ANK3: variants seen among roughly 807,000 people sequenced by gnomAD.
ANK3 encodes the protein ankyrin 3, also known as ankyrin-3.
In ANK3, 57 loss-of-function variants were observed where a neutral mutation model predicts 370.9. The ratio of observed to expected loss-of-function variants is 0.15; its 90% CI spans 0.12 to 0.19. The LOEUF is 0.19. Ranked by LOEUF, ANK3 falls within the 10% of genes least tolerant of loss-of-function variation. ANK3 has a pLI of 1.00. For synonymous variants in ANK3, 1,929 were observed against 1,946.3 expected (o/e 0.99, Z 0.23); for missense variants, 4,439 against 5,302.1 (o/e 0.84, Z 5.06).
chr10:60,652,947 G>A (rs10761540), intron 1 of ANK3, among the ~76,000 whole-genome samples: 52,531 of 151,884 alleles, frequency 0.35, 9,322 homozygotes, highest in African/African-American at 0.4. Flanking sequence ...TCACGATGGT[G>A]AGCCTCTCCT....
At chr10:60,428,754 A>C (rs78779433) in intron 2 of ANK3, among the ~76,000 whole-genome samples, 1 of 152,202 alleles carries the variant, frequency 6.6e-6, no homozygotes, top group Non-Finnish European at 1.5e-5. Context: ...CAAGGTTTCC[A>C]TGGACATAGA....
chr10:60,608,067 C>T (rs577364270), intron 2 of ANK3, among the ~76,000 whole-genome samples: 4 of 152,150 alleles, frequency 2.6e-5, no homozygotes, highest in Admixed American at 6.6e-5. Context: ...TTTGGGGACT[C>T]ACTGAAATCT....
At chr10:60,681,646 A>G (rs867658157) in intron 1 of ANK3, among the ~76,000 whole-genome samples, 7 of 152,198 alleles carry the variant, frequency 4.6e-5, no homozygotes, top group African/African-American at 1.4e-4. Context: ...TTACACCACC[A>G]TAGTATAGGT....
chr10:60,353,298 G>A (rs1223313689), intron 1 of ANK3, among the ~76,000 whole-genome samples: 1 of 151,772 alleles, frequency 6.6e-6, no homozygotes, highest in African/African-American at 2.4e-5. Flanking sequence ...TGGAGGAACT[G>A]TGAATCTTAA....
intron 1 of ANK3, among the ~76,000 whole-genome samples, chr10:60,621,602 C>A (rs1435879594): frequency 6.6e-6 from 1 of 152,174 alleles, no homozygotes; most frequent in African/African-American, 2.4e-5. Context: ...GAAAAGTCAT[C>A]ATCCACTTGT....
intron 33 of ANK3, 43 bp from the exon 34 acceptor site, chr10:60,082,780 T>C (rs978615476): frequency 6.3e-7 from 1 of 1,592,756 alleles, no homozygotes; most frequent in African/African-American, 1.4e-5. Flanking sequence ...ATGAGACTTA[T>C]CTGAGGATTT....
intron 2 of ANK3, among the ~76,000 whole-genome samples, chr10:60,506,339 C>A (rs1162564970): frequency 6.6e-6 from 1 of 152,044 alleles, no homozygotes; most frequent in East Asian, 1.9e-4. Context: ...AAGAAAATCC[C>A]AAAGTGACTC....
At chr10:60,141,453 C>A (rs1308852416) in intron 23 of ANK3, among the ~76,000 whole-genome samples, 1 of 151,778 alleles carries the variant, frequency 6.6e-6, no homozygotes, top group African/African-American at 2.4e-5. Context: ...CCACTAGTGG[C>A]CTTCCTTCTC....
At chr10:60,089,209 G>A (rs2087522725) in intron 28 of ANK3, among the ~76,000 whole-genome samples, 1 of 152,090 alleles carries the variant, frequency 6.6e-6, no homozygotes, top group Non-Finnish European at 1.5e-5. Context: ...CTTCTTCCCT[G>A]CTGTCTACCT....
At chr10:60,295,165 T>C (rs1236401646) in intron 1 of ANK3, among the ~76,000 whole-genome samples, 1 of 152,230 alleles carries the variant, frequency 6.6e-6, no homozygotes, top group African/African-American at 2.4e-5. Flanking sequence ...TCTAGACTAA[T>C]ATGTCACTTT....
intron 2 of ANK3, among the ~76,000 whole-genome samples, chr10:60,542,716 C>T (rs1318295135): frequency 3.3e-5 from 5 of 151,940 alleles, no homozygotes; most frequent in African/African-American, 9.7e-5. Context: ...AAAACCAGAA[C>T]GTGAGGTTTA....
intron 1 of ANK3, chr10:60,300,360 G>A (rs1308823447): frequency 7.8e-7 from 1 of 1,289,692 alleles, no homozygotes; most frequent in Admixed American, 2.3e-5. Context: ...GCCATTCTCT[G>A]TGGCCAAGTA....
rs778149049 is a variant in ANK3, at chr10:60,389,470, C to T, written c.69G>A (p.Glu23=). ...ACCGTTTGCGGTGTTTCCTTTTTTT[C>T]TCAGGCTCTTCTTCAGCATTGATTT... ...DLEINAEEEP[E]KKRKHRKRSR... The change falls in exon 1 of 44, where the codon GAG becomes GAA. Residue 23 remains glutamate (E), a synonymous_variant. Transcript: ENST00000280772. 5.6e-6 allele frequency: 9 copies of T among 1,613,884 alleles called. No homozygotes were observed. The highest frequency in any genetic ancestry group is 2.5e-6 in the Non-Finnish European group (3 of 1,179,950).
intron 1 of ANK3, among the ~76,000 whole-genome samples, chr10:60,714,437 A>C (rs1266959056): frequency 6.6e-6 from 1 of 152,216 alleles, no homozygotes; most frequent in Non-Finnish European, 1.5e-5. Context: ...AAGACATTAC[A>C]AGAAAGAAAA....
At chr10:60,529,512 G>T (rs1934754) in intron 2 of ANK3, among the ~76,000 whole-genome samples, 7 of 151,408 alleles carry the variant, frequency 4.6e-5, no homozygotes, top group Admixed American at 2.0e-4. Context: ...TGGGGGCTCA[G>T]GTGCACGCAC....
intron 42 of ANK3, chr10:60,044,704 C>T (rs904334467): frequency 1.3e-5 from 2 of 152,164 alleles, no homozygotes; most frequent in African/African-American, 4.8e-5. Flanking sequence ...ACTTTAAGCA[C>T]TGTTTCTTCA....
At chr10:60,190,468 CA>C (rs2096456842) in intron 16 of ANK3, among the ~76,000 whole-genome samples, 2 of 152,172 alleles carry the variant, frequency 1.3e-5, no homozygotes, top group African/African-American at 4.8e-5. Flanking sequence ...AAAATAAAAG[CA>C]AAACAAAACA....
At chr10:60,340,450 G>A (rs1388543687) in intron 1 of ANK3, among the ~76,000 whole-genome samples, 2 of 152,008 alleles carry the variant, frequency 1.3e-5, no homozygotes, top group Non-Finnish European at 1.5e-5. Flanking sequence ...TCACTCTGTT[G>A]CCCAGGCTGG....
intron 35 of ANK3, among the ~76,000 whole-genome samples, chr10:60,080,849 A>T (rs566165270): frequency 5.3e-5 from 8 of 152,220 alleles, no homozygotes; most frequent in Non-Finnish European, 1.2e-4. Flanking sequence ...CAAGTAAAAG[A>T]CAAGCATTAC....
Sources: allele counts gnomAD v4.1 joint callset (sites outside exome capture counted in the v4.1 genomes callset), GRCh38; gene constraint gnomAD v4.1.1; transcripts MANE v1.5; gene names NCBI Gene and HGNC (gene_info 2026-07-23, HGNC 2026-07-21).